The following CFAP47 variants were observed in gnomAD, a reference collection of about 807,000 sequenced individuals.
The protein encoded by CFAP47 is cilia- and flagella-associated protein 47.
A neutral mutation model predicts 148.1 loss-of-function variants in CFAP47; 29 were observed. The ratio of observed to expected loss-of-function variants is 0.20; its 90% confidence interval spans 0.15 to 0.27. The LOEUF is 0.27. Ranked by LOEUF, CFAP47 falls within the 10% of genes least tolerant of loss-of-function variation. The pLI is 1.00. For synonymous variants in CFAP47, 664 were observed against 577.3 expected (o/e 1.15, Z -2.15); for missense variants, 1,872 against 1,697.5 (o/e 1.10, Z -1.81).
intron 60 of CFAP47, 34 bp downstream of exon 60, chrX:36,353,715 G>A (rs1556017932): frequency 9.5e-7 from 1 of 1,047,292 alleles, no homozygotes; most frequent in Admixed American, 3.5e-5. Flanking sequence ...AAAATAAAAT[G>A]AAAAAAGAAA....
chrX:36,349,246 G>T (rs1021307320), intron 58 of CFAP47, among the ~76,000 whole-genome samples: 1 of 111,322 alleles, frequency 9.0e-6, no homozygotes, highest in Non-Finnish European at 1.9e-5. Flanking sequence ...CTTCAAAAAT[G>T]ATCATAAATT....
rs770238734 is a variant in CFAP47, at chrX:35,924,338, T to C, written c.250-1679T>C. On this transcript the variant is annotated intron_variant, in intron 1 of 63. Coordinates refer to ENST00000378653, the MANE Select transcript of CFAP47 (RefSeq NM_001304548.2). ...GTACATGTATGTGTATATGTGTACA[T>C]ATATGTGTGCATATGTGTATATATG... is the stretch of plus-strand genomic sequence containing the variant. 7.5e-5 allele frequency among the ~76,000 whole-genome samples: 8 copies of C among 106,712 alleles called. No homozygotes were observed. The South Asian group carries it at 3.1e-3, about 42-fold the overall frequency. 92.7% of individuals were successfully genotyped at this position (106,712 alleles called of 115,157 possible).
intron 27 of CFAP47, 142 bp downstream of exon 27, chrX:36,065,885 G>T: frequency 2.5e-6 from 1 of 402,951 alleles, no homozygotes. Flanking sequence ...ATTGAGAGTA[G>T]AATCTGTATG....
At chrX:36,080,666 A>T (rs2146771370) in intron 29 of CFAP47, among the ~76,000 whole-genome samples, 1 of 111,711 alleles carries the variant, frequency 9.0e-6, no homozygotes, top group Non-Finnish European at 1.9e-5. Context: ...CATTCTGAGC[A>T]AACTATCACA....
intron 57 of CFAP47, among the ~76,000 whole-genome samples, chrX:36,340,777 C>A (rs1031428191): frequency 9.1e-6 from 1 of 110,493 alleles, no homozygotes; most frequent in Admixed American, 9.7e-5. Context: ...TTACAGGATG[C>A]GACTCTCCTT....
chrX:36,384,082 T>C (rs1170802715), intron 63 of CFAP47, among the ~76,000 whole-genome samples: 2 of 111,748 alleles, frequency 1.8e-5, no homozygotes, highest in African/African-American at 6.5e-5. Flanking sequence ...GGCTCAAGCC[T>C]GTAATCTGAG....
chrX:36,317,705 G>A (rs1271554012), intron 56 of CFAP47, among the ~76,000 whole-genome samples: 2 of 109,802 alleles, frequency 1.8e-5, no homozygotes, highest in African/African-American at 3.3e-5. Flanking sequence ...GGCGTGAGCC[G>A]CCGTGCCTGG....
chrX:36,268,679 CTCTG>C (rs1379405179), intron 49 of CFAP47, among the ~76,000 whole-genome samples: 13 of 112,034 alleles, frequency 1.2e-4, no homozygotes, highest in African/African-American at 2.6e-4. Flanking sequence ...CTGTCTGTCT[CTCTG>C]TCTGTCTTGC....
chrX:36,232,382 C>T (rs1229687112), intron 46 of CFAP47, among the ~76,000 whole-genome samples: 7 of 111,692 alleles, frequency 6.3e-5, no homozygotes, highest in Admixed American at 1.9e-4. Context: ...TTCTTCTAGA[C>T]TTTCTAGTTT....
intron 52 of CFAP47, among the ~76,000 whole-genome samples, chrX:36,300,668 T>C (rs1941290240): frequency 8.9e-6 from 1 of 112,146 alleles, no homozygotes; most frequent in Non-Finnish European, 1.9e-5. Context: ...GGAAGTTCTC[T>C]AGAGCTATAT....
At chrX:35,927,189 T>G (rs1601879858) in intron 2 of CFAP47, among the ~76,000 whole-genome samples, 2 of 110,535 alleles carry the variant, frequency 1.8e-5, no homozygotes, top group East Asian at 5.7e-4. Context: ...CTTTTTCATT[T>G]CTATAAACTA....
rs1426650453 is a variant in CFAP47, at chrX:35,923,970, T to A, written c.250-2047T>A. Reference sequence around the variant, plus strand: ...ATGTGTATATATGTACATATATGTGTATGTATGTGTATATATGTACATATA... The same window carrying A: ...ATGTGTATATATGTACATATATGTGAATGTATGTGTATATATGTACATATA... On this transcript the variant is annotated intron_variant, in intron 1 of 63. Coordinates refer to ENST00000378653, the MANE Select transcript of CFAP47 (RefSeq NM_001304548.2). Among the ~76,000 whole-genome samples the A allele has an allele frequency of 5.0e-5, 5 of 99,033 alleles. 1 individual carries two copies. Among genetic ancestry groups the A allele is most frequent in the African/African-American group, 2.1e-4 (5 of 23,819 alleles). 86.0% of individuals were successfully genotyped at this position (99,033 alleles called of 115,157 possible).
rs765137392 is a variant in CFAP47, at chrX:36,144,223, A to G, written c.5536-996A>G. Among the ~76,000 whole-genome samples the G allele has an allele frequency of 2.8e-4, 31 of 111,574 alleles. 1 individual carries two copies. The highest frequency in any genetic ancestry group is 3.8e-4 in the Admixed American group (4 of 10,506). ...ATCTTTAACTTCAGGAGTAATAGTCACATTAGTCATAATTTCTAGAGTGTA... is the reference window on the plus strand; with the variant it reads ...ATCTTTAACTTCAGGAGTAATAGTCGCATTAGTCATAATTTCTAGAGTGTA... On this transcript the variant is annotated intron_variant, in intron 35 of 63. Transcript: ENST00000378653.
At chrX:36,299,204 C>T in intron 52 of CFAP47, 52 bp downstream of exon 52, 1 of 772,892 alleles carries the variant, frequency 1.3e-6, no homozygotes, top group East Asian at 3.9e-5. Context: ...AGAAATTAAC[C>T]TTTAAAATTT....
At chrX:36,336,482 C>G (rs1469405463) in intron 57 of CFAP47, among the ~76,000 whole-genome samples, 1 of 111,432 alleles carries the variant, frequency 9.0e-6, no homozygotes, top group Non-Finnish European at 1.9e-5. Context: ...CATCAGGGCT[C>G]TCCTAGACTG....
At chrX:36,110,115 A>G in intron 33 of CFAP47, among the ~76,000 whole-genome samples, 1 of 111,687 alleles carries the variant, frequency 9.0e-6, no homozygotes, top group Non-Finnish European at 1.9e-5. Flanking sequence ...TTATTAGCTT[A>G]AACAGATCCC....
At chrX:36,083,848 T>G (rs1414643558) in intron 29 of CFAP47, among the ~76,000 whole-genome samples, 2 of 111,288 alleles carry the variant, frequency 1.8e-5, no homozygotes, top group Non-Finnish European at 3.8e-5. Context: ...TAAACAATAA[T>G]GATTTAATAA....
intron 15 of CFAP47, among the ~76,000 whole-genome samples, chrX:35,986,742 G>C (rs1569225414): frequency 9.0e-6 from 1 of 111,231 alleles, no homozygotes; most frequent in Admixed American, 9.6e-5. Flanking sequence ...CATCTTCGTG[G>C]ATTTATGTAC....
At chrX:36,236,646 A>G (rs1476732348) in intron 47 of CFAP47, 40 bp from the exon 48 acceptor site, 6 of 501,167 alleles carry the variant, frequency 1.2e-5, no homozygotes, top group East Asian at 3.7e-5. Context: ...ACATTTATCT[A>G]TGACTCCTAT....
Sources: gnomAD v4.1 joint callset for allele counts (sites outside exome capture counted in the v4.1 genomes callset) on GRCh38, gnomAD v4.1.1 for gene constraint, MANE v1.5 for transcripts, NCBI Gene and HGNC (gene_info 2026-07-23, HGNC 2026-07-21) for gene names.